The following ZNF808 variants were observed in gnomAD, a reference collection of about 807,000 sequenced individuals.
The protein encoded by ZNF808 is zinc finger protein 808.
Under a neutral mutation model 8.7 loss-of-function variants are expected in ZNF808, and 5 were observed. That is an observed-to-expected ratio of 0.58 (90% confidence interval 0.30 to 1.21). ZNF808 has a LOEUF of 1.21. Among genes scored for constraint, ZNF808 ranks in the 50% most tolerant of loss-of-function variants. ZNF808 has a pLI of 0.07. For synonymous variants in ZNF808, 380 were observed against 366.0 expected (o/e 1.04, Z -0.44); for missense variants, 1,103 against 1,098.4 (o/e 1.00, Z -0.06).
At chr19:52,551,771 G>A (rs986011857) in intron 4 of ZNF808, among the ~76,000 whole-genome samples, 2 of 151,472 alleles carry the variant, frequency 1.3e-5, no homozygotes, top group Non-Finnish European at 2.9e-5. Flanking sequence ...GGGAGGTCAA[G>A]GGGGGTGGAT....
At chr19:52,549,798 C>T (rs1568486761) in intron 4 of ZNF808, among the ~76,000 whole-genome samples, 1 of 152,128 alleles carries the variant, frequency 6.6e-6, no homozygotes, top group Non-Finnish European at 1.5e-5. Flanking sequence ...GCTGAACACC[C>T]CAATTTCCCC....
exon 4 of ZNF808, chr19:52,564,037 G>A (rs1379582065): frequency 1.8e-6 from 1 of 564,828 alleles, no homozygotes; most frequent in African/African-American, 2.0e-5. Context: ...CTCCTCCTTT[G>A]TCTGCCATCA....
At chr19:52,550,811 T>C (rs189623497) in intron 4 of ZNF808, among the ~76,000 whole-genome samples, 15 of 152,318 alleles carry the variant, frequency 9.8e-5, no homozygotes, top group African/African-American at 3.6e-4. Context: ...TGGCTTCATA[T>C]AAGTTTTATA....
At chr19:52,533,080 AAAG>A (rs1349416858) in intron 2 of ZNF808, 71 bp downstream of exon 2, 4 of 152,416 alleles carry the variant, frequency 2.6e-5, no homozygotes, top group Middle Eastern at 3.4e-3. Flanking sequence ...CTTTGAAATT[AAAG>A]AAGGAGATTT....
chr19:52,565,487 C>T (rs1045240701), downstream of ZNF808, among the ~76,000 whole-genome samples: 2 of 152,170 alleles, frequency 1.3e-5, no homozygotes, highest in Admixed American at 6.6e-5. Flanking sequence ...GCCTCAAGAT[C>T]TCCACCCCAA....
intron 2 of ZNF808, among the ~76,000 whole-genome samples, chr19:52,538,529 G>A (rs1012894979): frequency 5.3e-5 from 8 of 150,436 alleles, no homozygotes; most frequent in African/African-American, 1.7e-4. Flanking sequence ...TTAGGAGGCC[G>A]AGGCAGGAGA....
At chr19:52,538,889 A>G (rs2059640453) in intron 2 of ZNF808, among the ~76,000 whole-genome samples, 1 of 152,152 alleles carries the variant, frequency 6.6e-6, no homozygotes, top group Admixed American at 6.5e-5. Flanking sequence ...TTTAAATTAT[A>G]CAGATGAGAA....
At chr19:52,566,785 C>T (rs1568496678), downstream of ZNF808, among the ~76,000 whole-genome samples, 2 of 152,130 alleles carry the variant, frequency 1.3e-5, no homozygotes. Context: ...ACGCATGACT[C>T]ATGGTCTTAA....
intron 4 of ZNF808, among the ~76,000 whole-genome samples, chr19:52,551,149 C>G (rs1029717405): frequency 7.2e-5 from 11 of 152,112 alleles, no homozygotes; most frequent in African/African-American, 2.4e-4. Context: ...GTCAGAAGTT[C>G]AAGACCAGCC....
At chr19:52,550,438 T>C (rs533723478) in intron 4 of ZNF808, among the ~76,000 whole-genome samples, 2 of 152,058 alleles carry the variant, frequency 1.3e-5, no homozygotes, top group East Asian at 3.9e-4. Context: ...CCATGTTGGC[T>C]AGGCTGGTCT....
chr19:52,555,041 T>G lies in ZNF808; in HGVS notation c.2125T>G (p.Cys709Gly). 6.2e-7 allele frequency: 1 copy of G among 1,613,964 alleles called. No individual in the cohort carries two copies. ...TCACAGTGGAATGAAACCTTACAAG[T>G]GTAATGAGTGCAGCAAGACCTTCAG... The part of the protein sequence containing the change: ...RIHSGMKPYK[C>G]NECSKTFSNR... The change falls in exon 5 of 5, where the codon TGT becomes GGT. Residue 709 changes from cysteine to glycine, a missense_variant. Cys to Gly is a radical substitution (Grantham distance 159, BLOSUM62 -3). Coordinates refer to ENST00000359798, the MANE Select transcript of ZNF808 (RefSeq NM_001039886.4).
In ZNF808 at chr19:52,554,096, A is replaced by C. The variant is rs773897417; in HGVS notation, c.1180A>C (p.Ser394Arg). Residue 394 changes from serine (S) to arginine (R), a missense_variant, in exon 5 of 5, where the codon AGT (serine) becomes CGT (arginine). Coordinates refer to ENST00000359798, the MANE Select transcript of ZNF808 (RefSeq NM_001039886.4). ...TCTGGCAAACCATACTAGAATTCAT[A>C]GTGGAGAGAAAACATACAAGTGTAA... Reference protein sequence around the residue: ...SYLANHTRIHSGEKTYKCNEC... With the variant: ...SYLANHTRIHRGEKTYKCNEC... 23 of 1,614,036 alleles carry C rather than the reference A, an allele frequency of 1.4e-5. No homozygotes were observed. The Admixed American group carries it at 3.7e-4, about 26-fold the overall frequency.
chr19:52,549,223 C>G (rs1261337378), intron 4 of ZNF808, among the ~76,000 whole-genome samples: 2 of 152,024 alleles, frequency 1.3e-5, no homozygotes, highest in African/African-American at 4.8e-5. Context: ...CCTGATGCAC[C>G]CGCTCATCCT....
Position 52,553,103 on chromosome 19 carries a change from G to T in ZNF808, c.191-4G>T. ...GGAAATGTATTGGTGTTTATATTTT[G>T]TAGATATCTCTTCCAAACACATGAT... On this transcript the variant is annotated splice_region_variant and splice_polypyrimidine_tract_variant and intron_variant, in intron 4 of 4. Coordinates refer to ENST00000359798, the MANE Select transcript of ZNF808 (RefSeq NM_001039886.4). 1 of 1,538,610 alleles carries T rather than the reference G, an allele frequency of 6.5e-7. No homozygotes were observed. Among genetic ancestry groups the T allele is most frequent in the African/African-American group, 1.4e-5 (1 of 72,168 alleles).
At chr19:52,565,066 A>G (rs1231288581), downstream of ZNF808, among the ~76,000 whole-genome samples, 2 of 152,136 alleles carry the variant, frequency 1.3e-5, no homozygotes, top group East Asian at 3.9e-4. Context: ...GGCCTGGGCG[A>G]AAGAGTGAGA....
rs571813186 is a variant in ZNF808 at position 52,542,959 on chromosome 19, G to T, written c.-19-307G>T. On this transcript the variant is annotated intron_variant, in intron 2 of 4. Coordinates refer to ENST00000359798, the MANE Select transcript of ZNF808 (RefSeq NM_001039886.4). Reference sequence around the variant, plus strand: ...AAGTAGGTGCCCAGATCTTTTTTTTGGGGGGGGGGTGGAGGCTTTGATCAG... The same window carrying T: ...AAGTAGGTGCCCAGATCTTTTTTTTTGGGGGGGGGTGGAGGCTTTGATCAG... Among the ~76,000 whole-genome samples, 58 of 62,362 alleles carry T rather than the reference G, an allele frequency of 9.3e-4. No individual in the cohort carries two copies. The East Asian group carries it at 0.024, about 26-fold the overall frequency. 40.9% of individuals were successfully genotyped at this position (62,362 alleles called of 152,430 possible).
chr19:52,548,956 A>G (rs1294644344), intron 4 of ZNF808, among the ~76,000 whole-genome samples: 2 of 151,716 alleles, frequency 1.3e-5, no homozygotes, highest in Non-Finnish European at 2.9e-5. Flanking sequence ...CATTTCTATT[A>G]GAGGTACAGT....
At chr19:52,566,161 AGT>A (rs2059872593), downstream of ZNF808, among the ~76,000 whole-genome samples, 3 of 151,860 alleles carry the variant, frequency 2.0e-5, no homozygotes, top group African/African-American at 7.3e-5. Flanking sequence ...ATATATATAT[AGT>A]TTGTTTTGTT....
downstream of ZNF808, among the ~76,000 whole-genome samples, chr19:52,558,284 G>A (rs1183048414): frequency 1.3e-5 from 2 of 151,118 alleles, no homozygotes; most frequent in East Asian, 1.9e-4. Flanking sequence ...CCCTGGTCTC[G>A]ATCTCCTGAC....
Sources: allele counts gnomAD v4.1 joint callset (sites outside exome capture counted in the v4.1 genomes callset), GRCh38; gene constraint gnomAD v4.1.1; transcripts MANE v1.5; gene names NCBI Gene and HGNC (gene_info 2026-07-23, HGNC 2026-07-21).